PARD3: variants seen among roughly 807,000 people sequenced by gnomAD.
PARD3 encodes the protein par-3 family cell polarity regulator, also known as partitioning defective 3 homolog.
In PARD3, 75 loss-of-function variants were observed where a neutral mutation model predicts 155.4. That is an observed-to-expected ratio of 0.48 (90% CI 0.40 to 0.58). The LOEUF (loss-of-function observed/expected upper bound fraction) is 0.58, where lower values mean the gene tolerates loss of function less well. Among genes scored for constraint, PARD3 ranks in the 20% least tolerant of loss-of-function variants. The pLI is 0.00. For synonymous variants in PARD3, 576 were observed against 610.5 expected (o/e 0.94, Z 0.83); for missense variants, 1,642 against 1,721.7 (o/e 0.95, Z 0.82).
chr10:34,503,319 AGTACCC>A (rs879577553), intron 3 of PARD3, among the ~76,000 whole-genome samples: 9 of 152,206 alleles, frequency 5.9e-5, no homozygotes, highest in Non-Finnish European at 1.3e-4. Context: ...TGATAGGTTG[AGTACCC>A]TAGCAGTTCA....
At chr10:34,476,228 T>C (rs752249538) in intron 3 of PARD3, among the ~76,000 whole-genome samples, 2 of 152,226 alleles carry the variant, frequency 1.3e-5, no homozygotes, top group Non-Finnish European at 2.9e-5. Context: ...AAATTGTATA[T>C]TAAAGTGTCA....
At chr10:34,239,522 C>T (rs543339645) in intron 22 of PARD3, among the ~76,000 whole-genome samples, 1 of 152,186 alleles carries the variant, frequency 6.6e-6, no homozygotes, top group South Asian at 2.1e-4. Flanking sequence ...TGTTTGTGGG[C>T]CTGGTATGGT....
chr10:34,296,665 ATG>A (rs1219369771), intron 20 of PARD3, among the ~76,000 whole-genome samples: 1 of 152,250 alleles, frequency 6.6e-6, no homozygotes, highest in Non-Finnish European at 1.5e-5. Flanking sequence ...AAAATGCATG[ATG>A]TGATTATTTC....
intron 2 of PARD3, among the ~76,000 whole-genome samples, chr10:34,584,079 C>A (rs2087765555): frequency 6.6e-6 from 1 of 152,184 alleles, no homozygotes; most frequent in African/African-American, 2.4e-5. Context: ...GGATGCCTGG[C>A]ATGCCCTACT....
chr10:34,204,967 A>C (rs1442032017), intron 22 of PARD3, among the ~76,000 whole-genome samples: 1 of 152,236 alleles, frequency 6.6e-6, no homozygotes, highest in Non-Finnish European at 1.5e-5. Context: ...AGTTTTAGAC[A>C]GTCAACCGTA....
intron 2 of PARD3, among the ~76,000 whole-genome samples, chr10:34,532,518 C>T (rs1232469007): frequency 6.6e-6 from 1 of 152,108 alleles, no homozygotes. Flanking sequence ...ATGGTGTGAA[C>T]TGTGTGAAGT....
chr10:34,398,086 T>C (rs1843514527), intron 7 of PARD3, among the ~76,000 whole-genome samples: 1 of 152,212 alleles, frequency 6.6e-6, no homozygotes, highest in African/African-American at 2.4e-5. Context: ...TCTATGAATA[T>C]AACACCACTT....
chr10:34,595,905 T>C (rs976913082), intron 2 of PARD3, among the ~76,000 whole-genome samples: 32 of 152,300 alleles, frequency 2.1e-4, no homozygotes, highest in Middle Eastern at 3.4e-3. Context: ...CGTGGGAGGA[T>C]TGCTTAAGCC....
At chr10:34,379,285 GA>G (rs1405458615) in intron 9 of PARD3, among the ~76,000 whole-genome samples, 2 of 152,034 alleles carry the variant, frequency 1.3e-5, no homozygotes, top group Non-Finnish European at 2.9e-5. Context: ...GAGAAATAAA[GA>G]AAACACTCCA....
chr10:34,427,845 G>A (rs2075699100), intron 5 of PARD3, among the ~76,000 whole-genome samples: 1 of 152,104 alleles, frequency 6.6e-6, no homozygotes, highest in African/African-American at 2.4e-5. Context: ...TCGGGGACAG[G>A]TTCCCCCGAT....
intron 2 of PARD3, among the ~76,000 whole-genome samples, chr10:34,658,502 C>T (rs1244096284): frequency 6.6e-6 from 1 of 152,010 alleles, no homozygotes; most frequent in Non-Finnish European, 1.5e-5. Flanking sequence ...CGGTACCCAC[C>T]CTCCGAGGAG....
intron 3 of PARD3, among the ~76,000 whole-genome samples, chr10:34,495,870 G>T (rs57115301): frequency 0.058 from 8,776 of 151,570 alleles, 864 homozygotes; most frequent in African/African-American, 0.2. Flanking sequence ...GAACCGTGAG[G>T]ATGTGGCCCC....
chr10:34,215,018 C>T (rs1168457152), intron 22 of PARD3, among the ~76,000 whole-genome samples: 1 of 152,216 alleles, frequency 6.6e-6, no homozygotes, highest in African/African-American at 2.4e-5. Flanking sequence ...AGAGCCCTCT[C>T]ACCTATTGGC....
intron 22 of PARD3, among the ~76,000 whole-genome samples, chr10:34,207,348 C>T (rs1951528312): frequency 6.6e-6 from 1 of 152,180 alleles, no homozygotes; most frequent in African/African-American, 2.4e-5. Context: ...GCAACCCTCA[C>T]CCTAACTGCT....
In PARD3 at chr10:34,784,733, G is replaced by A. The variant is rs550800998; in HGVS notation, c.120+30143C>T. Among the ~76,000 whole-genome samples, 19 of 152,194 alleles carry A rather than the reference G, an allele frequency of 1.2e-4. No individual in the cohort carries two copies. In the South Asian group the frequency reaches 3.1e-3, roughly 25 times the overall value. On this transcript the variant is annotated intron_variant, in intron 1 of 24. Coordinates refer to ENST00000374788, the MANE Select transcript of PARD3 (RefSeq NM_001184785.2). ...ACTGCAGGCGTGAGCCACCGTGCCC[G>A]GCCCCAATATACTTTTTTAAGGATT...
chr10:34,486,668 G>C (rs1033320367), intron 3 of PARD3, among the ~76,000 whole-genome samples: 1 of 152,182 alleles, frequency 6.6e-6, no homozygotes, highest in Non-Finnish European at 1.5e-5. Flanking sequence ...GATGTGCACA[G>C]AAACCACCTA....
rs55681930 is a variant in PARD3, at chr10:34,227,856, T to TTATATATATATATATATATATATATA, written c.3419+41775_3419+41800dup. On this transcript the variant is annotated intron_variant, in intron 22 of 24. Coordinates refer to ENST00000374788, the MANE Select transcript of PARD3 (RefSeq NM_001184785.2). ...TATTCCCAGTAATGGGAATTATTTT[T>TTATATATATATATATATATATATATA]TATATATATATATATATATATATAT... Among the ~76,000 whole-genome samples the TTATATATATATATATATATATATATA allele has an allele frequency of 3.4e-3, 275 of 82,064 alleles. 3 individuals carry two copies. The highest frequency in any genetic ancestry group is 4.7e-3 in the Non-Finnish European group (201 of 42,718). The allele number at this position is 82,064 out of a possible 152,430, so 53.8% of individuals were successfully genotyped here.
chr10:34,493,781 A>C (rs1401387327), intron 3 of PARD3, among the ~76,000 whole-genome samples: 1 of 152,136 alleles, frequency 6.6e-6, no homozygotes, highest in Non-Finnish European at 1.5e-5. Context: ...ATAAACTTCC[A>C]ACTAAACTAT....
chr10:34,257,000 A>G (rs1196968613), intron 22 of PARD3, among the ~76,000 whole-genome samples: 2 of 152,220 alleles, frequency 1.3e-5, no homozygotes, highest in Non-Finnish European at 2.9e-5. Context: ...GGAAAAGAAA[A>G]CAGGTATCTT....
Sources: allele counts gnomAD v4.1 joint callset (sites outside exome capture counted in the v4.1 genomes callset), GRCh38; gene constraint gnomAD v4.1.1; transcripts MANE v1.5; gene names NCBI Gene and HGNC (gene_info 2026-07-23, HGNC 2026-07-21).